Variants in NRG3 observed in about 807,000 individuals in gnomAD.
The protein encoded by NRG3 is pro-neuregulin-3, membrane-bound isoform.
A neutral mutation model predicts 66.9 loss-of-function variants in NRG3; 31 were observed. That is an observed-to-expected ratio of 0.46 (90% confidence interval 0.35 to 0.63). NRG3 has a LOEUF of 0.63. Ranked by LOEUF, NRG3 falls within the 20% of genes least tolerant of loss-of-function variation. The probability of loss-of-function intolerance (pLI) is 0.00; values close to 1 mark genes in which losing one functional copy is unlikely to be tolerated. For missense variants in NRG3, 910 were observed against 878.9 expected, an observed-to-expected ratio of 1.04 and a Z score of -0.45; for synonymous variants, 393 against 359.4, an observed-to-expected ratio of 1.09 and a Z score of -1.06.
At chr10:82,567,554 C>T (rs990244128) in intron 2 of NRG3, among the ~76,000 whole-genome samples, 1 of 151,958 alleles carries the variant, frequency 6.6e-6, no homozygotes, top group Admixed American at 6.6e-5. Context: ...TAGGTAGTTA[C>T]ACTTGACATT....
chr10:82,687,391 C>T (rs1362930746), intron 2 of NRG3, among the ~76,000 whole-genome samples: 3 of 152,118 alleles, frequency 2.0e-5, no homozygotes, highest in South Asian at 4.1e-4. Context: ...GTTTCCTCAA[C>T]CATCAGGAAT....
intron 3 of NRG3, among the ~76,000 whole-genome samples, chr10:82,789,168 T>C (rs1021480721): frequency 8.5e-5 from 13 of 152,148 alleles, no homozygotes; most frequent in African/African-American, 3.1e-4. Context: ...TTTTGTCTTC[T>C]TGTTATTTTA....
chr10:82,723,596 T>C (rs1049885901), intron 2 of NRG3, among the ~76,000 whole-genome samples: 1 of 151,882 alleles, frequency 6.6e-6, no homozygotes, highest in Non-Finnish European at 1.5e-5. Context: ...GAAAAAAAAA[T>C]AGAATGATAG....
At chr10:81,970,337 T>G (rs892435873) in intron 1 of NRG3, among the ~76,000 whole-genome samples, 1 of 152,228 alleles carries the variant, frequency 6.6e-6, no homozygotes, top group African/African-American at 2.4e-5. Flanking sequence ...CCTCTAGATA[T>G]AATCAGTGTT....
rs1847557799 is a variant in NRG3 at position 82,533,943 on chromosome 10, A to G, written c.953+175075A>G. On this transcript the variant is annotated intron_variant, in intron 2 of 8. Coordinates refer to ENST00000372141, the MANE Select transcript of NRG3 (RefSeq NM_001010848.4). ...AGATAAAAAACCATATCCAAAAATT[A>G]GTTGCATTTCTATAGACTAACAACA... Among the ~76,000 whole-genome samples, 4 of 152,216 alleles carry G rather than the reference A, an allele frequency of 2.6e-5. No individual in the cohort carries two copies. The South Asian group carries it at 8.3e-4, about 31-fold the overall frequency.
At chr10:82,000,979 T>C (rs2061141123) in intron 1 of NRG3, among the ~76,000 whole-genome samples, 1 of 152,190 alleles carries the variant, frequency 6.6e-6, no homozygotes, top group Non-Finnish European at 1.5e-5. Context: ...ACAAACATTG[T>C]ATGGAAATTC....
intron 2 of NRG3, among the ~76,000 whole-genome samples, chr10:82,553,473 T>A (rs2132918123): frequency 6.6e-6 from 1 of 152,274 alleles, no homozygotes; most frequent in African/African-American, 2.4e-5. Context: ...CCTGAGTTAC[T>A]AATTTCTTTT....
At chr10:82,806,118 A>T (rs1380326358) in intron 3 of NRG3, among the ~76,000 whole-genome samples, 2 of 152,192 alleles carry the variant, frequency 1.3e-5, no homozygotes, top group Non-Finnish European at 2.9e-5. Context: ...GCATTTGTTT[A>T]TAGAGAGACT....
At chr10:82,149,093 A>G (rs1254363715) in intron 1 of NRG3, among the ~76,000 whole-genome samples, 1 of 151,812 alleles carries the variant, frequency 6.6e-6, no homozygotes, top group Non-Finnish European at 1.5e-5. Context: ...TTAAGCATCA[A>G]GCCTACCTAA....
chr10:81,911,356 A>T (rs1204281578), intron 1 of NRG3, among the ~76,000 whole-genome samples: 3 of 152,250 alleles, frequency 2.0e-5, no homozygotes, highest in South Asian at 2.1e-4. Flanking sequence ...TGCAAAGCCT[A>T]GGAGATCACC....
chr10:82,819,478 G>A (rs944089227), intron 3 of NRG3, among the ~76,000 whole-genome samples: 2 of 152,198 alleles, frequency 1.3e-5, no homozygotes, highest in African/African-American at 2.4e-5. Context: ...TTTCCCAGCA[G>A]TGTAACCTTG....
intron 2 of NRG3, among the ~76,000 whole-genome samples, chr10:82,516,140 TTGTG>T (rs112163903): frequency 1.3e-5 from 2 of 150,130 alleles, no homozygotes; most frequent in Non-Finnish European, 3.0e-5. Context: ...GGTTGGAACA[TTGTG>T]TGTGTGTGTG....
intron 4 of NRG3, among the ~76,000 whole-genome samples, chr10:82,928,939 C>T (rs4933277): frequency 0.38 from 57,439 of 151,940 alleles, 11,315 homozygotes; most frequent in East Asian, 0.63. Context: ...CTGGATTTCA[C>T]CGAATTGCAT....
At chr10:82,128,983 G>A (rs556798247) in intron 1 of NRG3, among the ~76,000 whole-genome samples, 2 of 151,858 alleles carry the variant, frequency 1.3e-5, no homozygotes, top group South Asian at 2.1e-4. Flanking sequence ...GCGTGATATC[G>A]GCTCACTGCA....
chr10:82,111,481 C>T (rs1173871384), intron 1 of NRG3, among the ~76,000 whole-genome samples: 3 of 152,122 alleles, frequency 2.0e-5, no homozygotes, highest in African/African-American at 7.2e-5. Context: ...AGTTAATTAG[C>T]ATGCCCTCTA....
At chr10:82,271,738 AT>A (rs1269385554) in intron 1 of NRG3, among the ~76,000 whole-genome samples, 1 of 152,068 alleles carries the variant, frequency 6.6e-6, no homozygotes, top group Non-Finnish European at 1.5e-5. Flanking sequence ...ATGCATTCAA[AT>A]TTAAAAGAGA....
chr10:82,786,880 C>T (rs2135337207), intron 3 of NRG3, among the ~76,000 whole-genome samples: 1 of 152,246 alleles, frequency 6.6e-6, no homozygotes, highest in Admixed American at 6.5e-5. Context: ...AGACACCCTC[C>T]TCTGTCTCTC....
intron 2 of NRG3, among the ~76,000 whole-genome samples, chr10:82,430,272 T>C (rs142864475): frequency 6.6e-6 from 1 of 152,170 alleles, no homozygotes; most frequent in Non-Finnish European, 1.5e-5. Flanking sequence ...TTTTGTTTTT[T>C]TTTGAGATGG....
intron 1 of NRG3, among the ~76,000 whole-genome samples, chr10:81,955,258 C>G (rs1197094798): frequency 6.6e-6 from 1 of 151,078 alleles, no homozygotes; most frequent in Admixed American, 6.6e-5. Flanking sequence ...ATTGTGGAAG[C>G]TGGATCTGGT....
Sources: gnomAD v4.1 joint callset for allele counts (sites outside exome capture counted in the v4.1 genomes callset) on GRCh38, gnomAD v4.1.1 for gene constraint, MANE v1.5 for transcripts, NCBI Gene and HGNC (gene_info 2026-07-23, HGNC 2026-07-21) for gene names.